The following RBFOX1 variants were observed in gnomAD, a reference collection of about 807,000 sequenced individuals.
RBFOX1 encodes RNA binding fox-1 homolog 1.
In RBFOX1, 8 loss-of-function variants were observed where a neutral mutation model predicts 57.7. The observed-to-expected ratio is 0.14, with a 90% CI of 0.08 to 0.25. RBFOX1 has a LOEUF of 0.25. Among genes scored for constraint, RBFOX1 ranks in the 10% least tolerant of loss-of-function variants. The probability of loss-of-function intolerance (pLI) is 1.00; values close to 1 mark genes in which losing one functional copy is unlikely to be tolerated. For missense variants in RBFOX1, 611 were observed against 548.5 expected, an observed-to-expected ratio of 1.11 and a Z score of -1.14; for synonymous variants, 326 against 222.4, an observed-to-expected ratio of 1.47 and a Z score of -4.15.
At chr16:6,594,180 T>A (rs1187830716) in intron 2 of RBFOX1, among the ~76,000 whole-genome samples, 1 of 152,120 alleles carries the variant, frequency 6.6e-6, no homozygotes, top group African/African-American at 2.4e-5. Flanking sequence ...CTTTGTCTAG[T>A]AAGAGTGTGA....
intron 2 of RBFOX1, among the ~76,000 whole-genome samples, chr16:6,431,912 TCTTTCTTTC>T: frequency 9.7e-6 from 1 of 102,638 alleles, no homozygotes; most frequent in East Asian, 3.6e-4. Context: ...TTTCTTTCTT[TCTTTCTTTC>T]TTTCTTTCTT....
chr16:6,877,233 C>T (rs960220342), intron 3 of RBFOX1, among the ~76,000 whole-genome samples: 1 of 152,186 alleles, frequency 6.6e-6, no homozygotes, highest in African/African-American at 2.4e-5. Flanking sequence ...GTCCATATTT[C>T]ATAAATCCCA....
At chr16:6,514,988 C>T (rs1443616939) in intron 2 of RBFOX1, among the ~76,000 whole-genome samples, 1 of 151,588 alleles carries the variant, frequency 6.6e-6, no homozygotes, top group Non-Finnish European at 1.5e-5. Flanking sequence ...ACAAAAACAA[C>T]CAGAGAAATA....
intron 14 of RBFOX1, among the ~76,000 whole-genome samples, chr16:7,694,869 C>T (rs1203666060): frequency 6.6e-6 from 1 of 152,138 alleles, no homozygotes; most frequent in African/African-American, 2.4e-5. Context: ...TGTATAGATG[C>T]CTCAGTGCAC....
At chr16:7,679,402 C>T (rs1597909396) in intron 14 of RBFOX1, among the ~76,000 whole-genome samples, 1 of 152,020 alleles carries the variant, frequency 6.6e-6, no homozygotes, top group African/African-American at 2.4e-5. Flanking sequence ...AGAAGACAGG[C>T]AAGATAAAGA....
chr16:5,525,828 C>G (rs916441905), intron 2 of RBFOX1, among the ~76,000 whole-genome samples: 1 of 152,216 alleles, frequency 6.6e-6, no homozygotes, highest in Non-Finnish European at 1.5e-5. Flanking sequence ...CAACAGTTCC[C>G]TCTAACAAAG....
chr16:7,498,707 C>G (rs1226054388), intron 4 of RBFOX1, among the ~76,000 whole-genome samples: 1 of 152,106 alleles, frequency 6.6e-6, no homozygotes, highest in African/African-American at 2.4e-5. Flanking sequence ...TCAGACCAGC[C>G]ACATTTCAAC....
At chr16:5,801,739 C>A (rs78724394) in intron 3 of RBFOX1, among the ~76,000 whole-genome samples, 237 of 150,336 alleles carry the variant, frequency 1.6e-3, no homozygotes, top group Non-Finnish European at 2.9e-3. Flanking sequence ...GTTTATCCAA[C>A]AACATAGGTT....
intron 5 of RBFOX1, among the ~76,000 whole-genome samples, chr16:7,525,704 G>A (rs1423361734): frequency 6.6e-6 from 1 of 152,180 alleles, no homozygotes; most frequent in African/African-American, 2.4e-5. Context: ...AAAAATTGAG[G>A]TGTGCTGCCA....
intron 1 of RBFOX1, among the ~76,000 whole-genome samples, chr16:6,030,316 A>G (rs142616533): frequency 1.2e-3 from 183 of 152,246 alleles, no homozygotes; most frequent in Non-Finnish European, 1.9e-3. Context: ...TCTGATTGGT[A>G]TTTATGTACC....
intron 1 of RBFOX1, among the ~76,000 whole-genome samples, chr16:6,079,031 G>A (rs2095956067): frequency 6.6e-6 from 1 of 152,144 alleles, no homozygotes; most frequent in African/African-American, 2.4e-5. Context: ...TTCTCTGGCT[G>A]GGTGCAGTGG....
rs185704129 is a variant in RBFOX1 at position 7,238,469 on chromosome 16, C to T, written c.27+186371C>T. Reference sequence around the variant, plus strand: ...CAGAGCCTTTGCATGGTTGTTTCCCCTTCCTGCAATATTTACTTAGTACTT... The same window carrying T: ...CAGAGCCTTTGCATGGTTGTTTCCCTTTCCTGCAATATTTACTTAGTACTT... On this transcript the variant is annotated intron_variant, in intron 4 of 15. Coordinates refer to ENST00000550418, the MANE Select transcript of RBFOX1 (RefSeq NM_018723.4). Among the ~76,000 whole-genome samples, 230 of 152,272 alleles carry T rather than the reference C, an allele frequency of 1.5e-3. 4 individuals are homozygous for T. The highest frequency in any genetic ancestry group is 0.013 in the Admixed American group (206 of 15,302).
intron 2 of RBFOX1, among the ~76,000 whole-genome samples, chr16:5,472,801 G>T (rs2069182810): frequency 6.6e-6 from 1 of 152,152 alleles, no homozygotes; most frequent in African/African-American, 2.4e-5. Context: ...AGCAGGATTT[G>T]CCATCTGATC....
chr16:7,362,322 A>G (rs1488218721), intron 4 of RBFOX1, among the ~76,000 whole-genome samples: 2 of 143,856 alleles, frequency 1.4e-5, no homozygotes, highest in African/African-American at 5.2e-5. Context: ...GTGTGTGTGT[A>G]TGTTTTGTGT....
At chr16:6,673,356 G>A (rs1196947951) in intron 3 of RBFOX1, among the ~76,000 whole-genome samples, 2 of 152,182 alleles carry the variant, frequency 1.3e-5, no homozygotes. Flanking sequence ...GGGAGGCCTA[G>A]GTGGGTGGAT....
chr16:6,404,428 C>G (rs2093198710), intron 2 of RBFOX1, among the ~76,000 whole-genome samples: 1 of 152,088 alleles, frequency 6.6e-6, no homozygotes, highest in Non-Finnish European at 1.5e-5. Context: ...AGTCCAGGTA[C>G]TCAAGGAGAG....
Position 5,456,120 on chromosome 16 carries a change from A to G in RBFOX1, c.220-11096A>G, listed in dbSNP as rs139942761. Among the ~76,000 whole-genome samples, 617 of 152,278 alleles carry G rather than the reference A, an allele frequency of 4.1e-3. 4 individuals carry two copies. The highest frequency in any genetic ancestry group is 0.01 in the Middle Eastern group (3 of 294). On this transcript the variant is annotated intron_variant, in intron 1 of 2. Coordinates refer to the RBFOX1 transcript ENST00000585867. ...TGGCATATATCATTTTTTTAAAAAA[A>G]AAACGTGCTTAACATGAGGTTATGC...
At chr16:5,365,119 C>T (rs2065673733) in intron 1 of RBFOX1, among the ~76,000 whole-genome samples, 1 of 152,136 alleles carries the variant, frequency 6.6e-6, no homozygotes, top group Admixed American at 6.5e-5. Context: ...GGGCAGCTGG[C>T]ACCCAGGCCT....
exon 3 of RBFOX1, chr16:5,599,292 C>A: frequency 1.6e-6 from 1 of 634,094 alleles, no homozygotes; most frequent in South Asian, 1.9e-5. Flanking sequence ...TGTGACGGCC[C>A]CAGGTTGTGG....
Sources: allele counts gnomAD v4.1 joint callset (sites outside exome capture counted in the v4.1 genomes callset), GRCh38; gene constraint gnomAD v4.1.1; transcripts MANE v1.5; gene names NCBI Gene and HGNC (gene_info 2026-07-23, HGNC 2026-07-21).